The following HMGN5 variants were observed in gnomAD, a reference collection of about 807,000 sequenced individuals.
HMGN5 encodes the protein high mobility group nucleosome-binding domain-containing protein 5.
Under a neutral mutation model 9.5 loss-of-function variants are expected in HMGN5, and 4 were observed. The observed-to-expected ratio is 0.42, with a 90% confidence interval of 0.21 to 0.96. HMGN5 has a LOEUF of 0.96. Among genes scored for constraint, HMGN5 ranks in the 40% least tolerant of loss-of-function variants. The pLI is 0.30. For synonymous variants in HMGN5, 55 were observed against 57.1 expected (o/e 0.96, Z 0.16); for missense variants, 192 against 187.5 (o/e 1.02, Z -0.14).
At chrX:81,152,522 T>C (rs1482180595) in intron 1 of HMGN5, among the ~76,000 whole-genome samples, 1 of 109,782 alleles carries the variant, frequency 9.1e-6, no homozygotes, top group African/African-American at 3.3e-5. Context: ...TGTGGAGAAA[T>C]AGGAACACTT....
At chrX:81,185,620 G>C (rs1252170623) in intron 1 of HMGN5, among the ~76,000 whole-genome samples, 1 of 110,868 alleles carries the variant, frequency 9.0e-6, no homozygotes, top group African/African-American at 3.3e-5. Flanking sequence ...CCTCTTTTCT[G>C]ATTACTCTAA....
intron 2 of HMGN5, 34 bp downstream of exon 2, chrX:81,121,501 G>T (rs1241919104): frequency 5.9e-6 from 7 of 1,180,331 alleles, no homozygotes; most frequent in African/African-American, 1.8e-5. Flanking sequence ...TAACTCAGCA[G>T]CTCATTCCCC....
At chrX:81,121,349 A>G (rs1569340738) in intron 2 of HMGN5, among the ~76,000 whole-genome samples, 186 bp downstream of exon 2, 1 of 111,744 alleles carries the variant, frequency 8.9e-6, no homozygotes. Context: ...TACCAGTTGC[A>G]TGCAAGACCA....
intron 1 of HMGN5, among the ~76,000 whole-genome samples, chrX:81,134,235 C>T (rs917158387): frequency 1.1e-4 from 12 of 111,157 alleles, no homozygotes; most frequent in Non-Finnish European, 1.7e-4. Flanking sequence ...TTACAAACAT[C>T]GATTATAGCC....
At chrX:81,133,868 A>G (rs371526573) in intron 1 of HMGN5, among the ~76,000 whole-genome samples, 10 of 112,043 alleles carry the variant, frequency 8.9e-5, no homozygotes, top group African/African-American at 3.2e-4. Context: ...AAATAGAAGT[A>G]TAAAAAGTTA....
intron 1 of HMGN5, among the ~76,000 whole-genome samples, chrX:81,183,643 G>T (rs2075469102): frequency 8.8e-6 from 1 of 113,035 alleles, no homozygotes; most frequent in Admixed American, 9.3e-5. Flanking sequence ...AGAAGCTGCT[G>T]CAGGGGTGGA....
At chrX:81,161,222 A>G (rs914579000) in intron 1 of HMGN5, among the ~76,000 whole-genome samples, 7 of 111,010 alleles carry the variant, frequency 6.3e-5, no homozygotes, top group African/African-American at 2.3e-4. Context: ...CATGTTAATG[A>G]GTACCCTCAA....
chrX:81,138,886 TAGAA>T (rs1164366333), intron 1 of HMGN5, among the ~76,000 whole-genome samples: 2 of 111,644 alleles, frequency 1.8e-5, no homozygotes, highest in Non-Finnish European at 3.8e-5. Flanking sequence ...TTACAATTGT[TAGAA>T]AGAAAATAAA....
intron 1 of HMGN5, among the ~76,000 whole-genome samples, chrX:81,135,989 T>C (rs1003996396): frequency 1.8e-5 from 2 of 111,248 alleles, no homozygotes; most frequent in African/African-American, 6.5e-5. Flanking sequence ...TCCTCTCTCT[T>C]AGCACATAAC....
chrX:81,133,746 A>G (rs988813187), intron 1 of HMGN5, among the ~76,000 whole-genome samples: 9 of 111,147 alleles, frequency 8.1e-5, no homozygotes, highest in Non-Finnish European at 1.7e-4. Flanking sequence ...ATCAGGAAAA[A>G]TAACTAATGG....
chrX:81,137,261 C>T (rs1602561993), intron 1 of HMGN5, among the ~76,000 whole-genome samples: 2 of 111,440 alleles, frequency 1.8e-5, no homozygotes, highest in East Asian at 5.6e-4. Context: ...TAACACTCCA[C>T]ATGAGAACAG....
chrX:81,135,024 T>A (rs1433028035), intron 1 of HMGN5, among the ~76,000 whole-genome samples: 1 of 111,522 alleles, frequency 9.0e-6, no homozygotes, highest in Non-Finnish European at 1.9e-5. Flanking sequence ...AAAACTCTTA[T>A]AATAAAACAT....
At chrX:81,169,357 A>G (rs989052360) in intron 1 of HMGN5, among the ~76,000 whole-genome samples, 5 of 111,826 alleles carry the variant, frequency 4.5e-5, no homozygotes, top group African/African-American at 1.6e-4. Context: ...AACATGTACT[A>G]TAAAGTTTTT....
chrX:81,135,114 C>T (rs943579404), intron 1 of HMGN5, among the ~76,000 whole-genome samples: 1 of 111,237 alleles, frequency 9.0e-6, no homozygotes, highest in Admixed American at 9.5e-5. Flanking sequence ...AAAAGAAAAA[C>T]AGATAAATTG....
chrX:81,160,441 G>T (rs1023233902), intron 1 of HMGN5, among the ~76,000 whole-genome samples: 7 of 110,802 alleles, frequency 6.3e-5, no homozygotes, highest in African/African-American at 2.3e-4. Context: ...GCAATGATGG[G>T]TAGCTGCACC....
intron 1 of HMGN5, among the ~76,000 whole-genome samples, chrX:81,122,834 G>C (rs1028282601): frequency 2.7e-5 from 3 of 110,241 alleles, no homozygotes; most frequent in African/African-American, 3.3e-5. Flanking sequence ...TCAGGGTTGA[G>C]GTGGAGATTG....
intron 1 of HMGN5, among the ~76,000 whole-genome samples, chrX:81,128,235 A>G (rs758965313): frequency 3.8e-4 from 42 of 111,383 alleles, no homozygotes; most frequent in Non-Finnish European, 7.4e-4. Flanking sequence ...ACACCTACTC[A>G]AAACCTAAAA....
chrX:81,120,435 A>G (rs971126051), intron 2 of HMGN5, among the ~76,000 whole-genome samples: 2 of 111,209 alleles, frequency 1.8e-5, no homozygotes, highest in African/African-American at 6.6e-5. Flanking sequence ...AAGTATAGAA[A>G]AGCACAGTGG....
chrX:81,153,169 T>G lies in HMGN5; in HGVS notation c.-123-31497A>C, dbSNP rs185072953. ...ATAATAATTAAAAAAAATAAAAAAA[T>G]AAAAAAAGAAAACTATAGGCCAATA... On this transcript the variant is annotated intron_variant, in intron 1 of 6. Transcript: ENST00000358130. 4.4e-3 allele frequency among the ~76,000 whole-genome samples: 470 copies of G among 107,466 alleles called. 4 individuals carry two copies. Among genetic ancestry groups the G allele is most frequent in the African/African-American group, 0.014 (405 of 29,584 alleles). 93.3% of individuals were successfully genotyped at this position (107,466 alleles called of 115,157 possible). A position where few individuals can be genotyped will look rare whatever the true frequency, so the allele number is the denominator to read the frequency against.
Sources: gnomAD v4.1 joint callset for allele counts (sites outside exome capture counted in the v4.1 genomes callset) on GRCh38, gnomAD v4.1.1 for gene constraint, MANE v1.5 for transcripts, NCBI Gene and HGNC (gene_info 2026-07-23, HGNC 2026-07-21) for gene names.